The following GNA12 variants were observed in gnomAD, a reference collection of about 807,000 sequenced individuals.
The protein encoded by GNA12 is guanine nucleotide-binding protein subunit alpha-12.
A neutral mutation model predicts 26.0 loss-of-function variants in GNA12; 9 were observed. That is an observed-to-expected ratio of 0.35 (90% CI 0.21 to 0.60). GNA12 has a LOEUF of 0.60. Among genes scored for constraint, GNA12 ranks in the 20% least tolerant of loss-of-function variants. The pLI is 0.78. For synonymous variants in GNA12, 264 were observed against 219.6 expected (o/e 1.20, Z -1.79); for missense variants, 405 against 525.8 (o/e 0.77, Z 2.25).
chr7:2,803,215 C>T (rs919305434), intron 1 of GNA12, among the ~76,000 whole-genome samples: 2 of 152,196 alleles, frequency 1.3e-5, no homozygotes, highest in African/African-American at 2.4e-5. Flanking sequence ...GTACAGAGGC[C>T]AGCCCCATAA....
intron 2 of GNA12, among the ~76,000 whole-genome samples, chr7:2,782,904 G>C (rs1792266059): frequency 6.6e-6 from 1 of 151,920 alleles, no homozygotes. Flanking sequence ...CTAATACTTT[G>C]TTGCCTAACA....
At chr7:2,803,474 T>C (rs1351273223) in intron 1 of GNA12, among the ~76,000 whole-genome samples, 1 of 152,088 alleles carries the variant, frequency 6.6e-6, no homozygotes, top group Non-Finnish European at 1.5e-5. Flanking sequence ...CCAAGTGCTC[T>C]CAATAAAAGA....
intron 2 of GNA12, among the ~76,000 whole-genome samples, chr7:2,735,855 C>T (rs1316489021): frequency 3.3e-5 from 5 of 152,114 alleles, no homozygotes; most frequent in Admixed American, 1.3e-4. Flanking sequence ...TGTAAGGTGC[C>T]AGGGACTGTG....
chr7:2,842,057 T>C (rs1408697419), intron 1 of GNA12, among the ~76,000 whole-genome samples: 1 of 70,818 alleles, frequency 1.4e-5, no homozygotes, highest in Non-Finnish European at 2.9e-5. Context: ...GGAAGGAAGG[T>C]AGAAAGAAAG....
chr7:2,761,154 C>G (rs1430508637), intron 2 of GNA12, among the ~76,000 whole-genome samples: 3 of 152,162 alleles, frequency 2.0e-5, no homozygotes, highest in African/African-American at 7.2e-5. Flanking sequence ...TGGGAGACAA[C>G]CACGGCCGCC....
In GNA12 at chr7:2,832,802, C is replaced by T. The variant is rs183118209; in HGVS notation, c.309+11051G>A. Among the ~76,000 whole-genome samples, 22 of 152,228 alleles carry T rather than the reference C, an allele frequency of 1.4e-4. No individual in the cohort carries two copies. In the South Asian group the frequency reaches 3.7e-3, roughly 26 times the overall value. ...GTCAGGGATGTTTTCTTCCCCTTGC[C>T]GTCCAGAGCGGCTGGATGTGCTGCC... is the stretch of plus-strand genomic sequence containing the variant. On this transcript the variant is annotated intron_variant, in intron 1 of 3. Transcript: ENST00000275364.
intron 2 of GNA12, among the ~76,000 whole-genome samples, chr7:2,781,440 G>C (rs1792227170): frequency 6.6e-6 from 1 of 151,152 alleles, no homozygotes; most frequent in South Asian, 2.1e-4. Context: ...GTGTGTGTGT[G>C]TGTGTGTGTA....
chr7:2,762,967 C>A, intron 2 of GNA12: 2 of 1,358,084 alleles, frequency 1.5e-6, no homozygotes, highest in Non-Finnish European at 1.9e-6. Flanking sequence ...GGGTCTCCTG[C>A]TCCTCAGAAA....
chr7:2,737,832 T>C lies in GNA12; in HGVS notation c.526-4331A>G, dbSNP rs144037094. Among the ~76,000 whole-genome samples the C allele has an allele frequency of 4.3e-3, 651 of 152,358 alleles. 2 individuals carry two copies. Among genetic ancestry groups the C allele is most frequent in the Non-Finnish European group, 7.8e-3 (532 of 68,038 alleles). Reference sequence around the variant, plus strand: ...TTACTTAATAAATAAATATTAAAGTTAGCATTTGATTTCCACTGAATAGAG... The same window carrying C: ...TTACTTAATAAATAAATATTAAAGTCAGCATTTGATTTCCACTGAATAGAG... On this transcript the variant is annotated intron_variant, in intron 2 of 3. Transcript: ENST00000275364.
In GNA12 at chr7:2,759,369, C is replaced by T. The variant is rs76607895; in HGVS notation, c.526-25868G>A. Among the ~76,000 whole-genome samples the T allele has an allele frequency of 9.9e-3, 1,506 of 152,208 alleles. 11 individuals carry two copies. The highest frequency in any genetic ancestry group is 0.075 in the Middle Eastern group (22 of 294). On this transcript the variant is annotated intron_variant, in intron 2 of 3. Coordinates refer to ENST00000275364, the MANE Select transcript of GNA12 (RefSeq NM_007353.3). ...CTATGTGCCTGCACTGTTCTAAGGG[C>T]CTCCCCCATATCACCTTCATTCTCA...
At chr7:2,794,380 A>C (rs1054256532) in intron 2 of GNA12, among the ~76,000 whole-genome samples, 1 of 152,196 alleles carries the variant, frequency 6.6e-6, no homozygotes, top group African/African-American at 2.4e-5. Flanking sequence ...GGTAGAAAAA[A>C]ACAAAAAGCA....
chr7:2,731,640 G>A lies in GNA12; in HGVS notation c.687C>T (p.Gly229=), dbSNP rs751429360. 14 of 1,613,390 alleles carry A rather than the reference G, an allele frequency of 8.7e-6. No homozygotes were observed. Among genetic ancestry groups the A allele is most frequent in the Non-Finnish European group, 1.0e-5 (12 of 1,179,802 alleles). ...ACTTCTGGCGCTGGGACCGCTGGCCGCCCACATCCACCATCTTAAAGGGGA... is the reference window on the plus strand; with the variant it reads ...ACTTCTGGCGCTGGGACCGCTGGCCACCCACATCCACCATCTTAAAGGGGA... The part of the protein sequence containing the change: ...KKIPFKMVDV[G]GQRSQRQKWF... The change falls in exon 4 of 4, where the codon GGC becomes GGT. Residue 229 remains glycine (G), a synonymous_variant. Transcript: ENST00000275364. The surrounding 1 kb of genome is among the most constrained non-coding windows in gnomAD (Gnocchi z 6.0).
At chr7:2,750,246 A>G (rs798502) in intron 2 of GNA12, among the ~76,000 whole-genome samples, 1 of 152,066 alleles carries the variant, frequency 6.6e-6, no homozygotes, top group Non-Finnish European at 1.5e-5. Flanking sequence ...GCTTAGACCC[A>G]TCAGAGAGCT....
At chr7:2,796,470 T>C (rs1275812111) in intron 1 of GNA12, among the ~76,000 whole-genome samples, 5 of 152,058 alleles carry the variant, frequency 3.3e-5, no homozygotes, top group Non-Finnish European at 5.9e-5. Flanking sequence ...GCTACTATTG[T>C]CATCATCACT....
At chr7:2,796,228 C>G (rs1420234561) in intron 1 of GNA12, among the ~76,000 whole-genome samples, 2 of 152,132 alleles carry the variant, frequency 1.3e-5, no homozygotes, top group East Asian at 1.9e-4. Context: ...GTACCAAGCC[C>G]TACCTGTATT....
At chr7:2,837,656 A>G (rs1030420159) in intron 1 of GNA12, among the ~76,000 whole-genome samples, 2 of 152,210 alleles carry the variant, frequency 1.3e-5, no homozygotes, top group African/African-American at 2.4e-5. Flanking sequence ...TTCTGAAACA[A>G]TGTGAAGGTA....
intron 3 of GNA12, among the ~76,000 whole-genome samples, chr7:2,733,092 G>A (rs1486604277): frequency 1.3e-5 from 2 of 152,204 alleles, no homozygotes; most frequent in East Asian, 3.8e-4. Context: ...CCGGGGGAGG[G>A]CTGCTGAAAC....
chr7:2,818,432 A>T (rs1459709921), intron 1 of GNA12, among the ~76,000 whole-genome samples: 2 of 152,228 alleles, frequency 1.3e-5, no homozygotes, highest in Non-Finnish European at 2.9e-5. Context: ...GAGGCTAGAC[A>T]AACTACAGCT....
rs1317020597 is a variant in GNA12, at chr7:2,737,269, G to GTTTTTTT, written c.526-3769_526-3768insAAAAAAA. ...CATTCAGGAGCTATCTCACAGTTTT[G>GTTTTTTT]TTTTGTTTTTTTTTTTTTTGTTTTT... On this transcript the variant is annotated intron_variant, in intron 2 of 3. Transcript: ENST00000275364. 5.8e-3 allele frequency among the ~76,000 whole-genome samples: 221 copies of GTTTTTTT among 38,100 alleles called. 27 individuals are homozygous for GTTTTTTT. The highest frequency in any genetic ancestry group is 0.013 in the Middle Eastern group (1 of 80). The allele number at this position is 38,100 out of a possible 152,430, so 25.0% of individuals were successfully genotyped here. A position where few individuals can be genotyped will look rare whatever the true frequency, so the allele number is the denominator to read the frequency against.
Sources: gnomAD v4.1 joint callset for allele counts (sites outside exome capture counted in the v4.1 genomes callset) on GRCh38, gnomAD v4.1.1 for gene constraint, Gnocchi (gnomAD v3.1) non-coding constraint, MANE v1.5 for transcripts, NCBI Gene and HGNC (gene_info 2026-07-23, HGNC 2026-07-21) for gene names.